The following ROBO2 variants were observed in gnomAD, a reference collection of about 807,000 sequenced individuals.
The protein encoded by ROBO2 is roundabout homolog 2.
ROBO2 carries 53 observed loss-of-function variants against 160.8 expected under a neutral mutation model. The observed-to-expected ratio is 0.33, with a 90% CI of 0.26 to 0.41. ROBO2 has a LOEUF of 0.41. ROBO2 is among the 10% of genes least tolerant of loss of function. ROBO2 has a pLI of 1.00. For missense variants in ROBO2, 1,577 were observed against 1,722.4 expected (o/e 0.92, Z 1.49); for synonymous variants, 664 against 611.7 (o/e 1.09, Z -1.26).
intron 2 of ROBO2, among the ~76,000 whole-genome samples, chr3:76,948,908 ATTTTTT>A (rs1157110855): frequency 1.6e-3 from 39 of 24,958 alleles, no homozygotes; most frequent in South Asian, 5.9e-3. Context: ...ATATATATAT[ATTTTTT>A]TTTTTTTTTT....
chr3:76,044,169 C>T (rs2067372638), intron 2 of ROBO2, among the ~76,000 whole-genome samples: 1 of 151,968 alleles, frequency 6.6e-6, no homozygotes, highest in Non-Finnish European at 1.5e-5. Context: ...TCTGTTTTAA[C>T]AAGGGTAGAT....
At chr3:76,126,368 T>C (rs2070989613) in intron 2 of ROBO2, among the ~76,000 whole-genome samples, 1 of 152,134 alleles carries the variant, frequency 6.6e-6, no homozygotes, top group South Asian at 2.1e-4. Context: ...TTGGACCTGA[T>C]AGAATAAAGC....
intron 2 of ROBO2, among the ~76,000 whole-genome samples, chr3:77,472,621 C>T (rs549986926): frequency 6.6e-6 from 1 of 152,150 alleles, no homozygotes; most frequent in East Asian, 1.9e-4. Context: ...ATATCCCCCC[C>T]ACCTCACCCC....
chr3:77,169,997 A>G (rs1449460493), intron 2 of ROBO2, among the ~76,000 whole-genome samples: 1 of 152,092 alleles, frequency 6.6e-6, no homozygotes, highest in Admixed American at 6.6e-5. Context: ...GCATCACATC[A>G]TGCTCCCAGA....
At chr3:76,018,250 A>G (rs551874114) in intron 2 of ROBO2, among the ~76,000 whole-genome samples, 3 of 152,162 alleles carry the variant, frequency 2.0e-5, no homozygotes, top group South Asian at 2.1e-4. Flanking sequence ...AACATGGTGA[A>G]TGTCACATTT....
At chr3:77,021,393 A>G (rs1277568414) in intron 2 of ROBO2, among the ~76,000 whole-genome samples, 1 of 152,164 alleles carries the variant, frequency 6.6e-6, no homozygotes, top group Non-Finnish European at 1.5e-5. Flanking sequence ...TTCCAAAGTC[A>G]TAGAAACTAG....
intron 2 of ROBO2, among the ~76,000 whole-genome samples, chr3:76,082,723 T>A (rs767649641): frequency 1.6e-4 from 24 of 152,214 alleles, no homozygotes; most frequent in Non-Finnish European, 3.1e-4. Flanking sequence ...TATTTTTCTT[T>A]AAAAAAATCA....
At chr3:77,105,093 T>C (rs1479091856) in intron 2 of ROBO2, among the ~76,000 whole-genome samples, 1 of 152,198 alleles carries the variant, frequency 6.6e-6, no homozygotes, top group Admixed American at 6.5e-5. Flanking sequence ...TACTTTCTCT[T>C]CCAAATATAC....
chr3:77,591,195 A>AT lies in ROBO2; in HGVS notation c.2683+2268dup, dbSNP rs765094321. ...CCAAGGCACTTAAAAGATTTGATGGATTTTTTATACTCTGATTATCTGGGC... is the reference window on the plus strand; with the variant it reads ...CCAAGGCACTTAAAAGATTTGATGGATTTTTTTATACTCTGATTATCTGGGC... On this transcript the variant is annotated intron_variant, in intron 17 of 25. Transcript: ENST00000461745. 1.2e-4 allele frequency among the ~76,000 whole-genome samples: 18 copies of AT among 152,234 alleles called. No homozygotes were observed. In the East Asian group the frequency reaches 2.3e-3, roughly 20 times the overall value.
At chr3:77,272,318 AG>A (rs558367719) in intron 2 of ROBO2, among the ~76,000 whole-genome samples, 79 of 152,154 alleles carry the variant, frequency 5.2e-4, no homozygotes, top group Non-Finnish European at 1.0e-3. Context: ...CTGTAGAGGC[AG>A]CATGGCTGAG....
At chr3:77,119,763 A>G (rs2074561540) in intron 2 of ROBO2, among the ~76,000 whole-genome samples, 1 of 152,238 alleles carries the variant, frequency 6.6e-6, no homozygotes. Flanking sequence ...GAAAGAAAAT[A>G]CATAGCTATC....
chr3:76,845,570 T>C (rs2068702317), intron 2 of ROBO2, among the ~76,000 whole-genome samples: 1 of 152,040 alleles, frequency 6.6e-6, no homozygotes, highest in Admixed American at 6.6e-5. Flanking sequence ...TTCCAAATCC[T>C]TTGTCTACAC....
At chr3:77,379,229 A>C (rs144063034) in intron 2 of ROBO2, among the ~76,000 whole-genome samples, 96 of 152,314 alleles carry the variant, frequency 6.3e-4, no homozygotes, top group African/African-American at 2.2e-3. Flanking sequence ...TACAGGCGTG[A>C]GCCACAACGC....
At chr3:77,320,699 G>GA (rs1350600305) in intron 2 of ROBO2, among the ~76,000 whole-genome samples, 3 of 151,850 alleles carry the variant, frequency 2.0e-5, no homozygotes, top group South Asian at 2.1e-4. Flanking sequence ...AAAAGAAAAA[G>GA]AAAAAAGAAA....
intron 21 of ROBO2, among the ~76,000 whole-genome samples, chr3:77,616,870 G>GT (rs940030922): frequency 6.6e-6 from 1 of 151,984 alleles, no homozygotes; most frequent in East Asian, 1.9e-4. Context: ...TCGTGTTAAA[G>GT]TTTTTTACTA....
intron 2 of ROBO2, among the ~76,000 whole-genome samples, chr3:76,441,454 C>G (rs928886706): frequency 1.3e-5 from 2 of 152,112 alleles, no homozygotes; most frequent in African/African-American, 2.4e-5. Context: ...GGGAAAAGCC[C>G]CTCATTCTTG....
At chr3:76,346,677 T>C (rs2074551457) in intron 2 of ROBO2, among the ~76,000 whole-genome samples, 1 of 152,164 alleles carries the variant, frequency 6.6e-6, no homozygotes, top group African/African-American at 2.4e-5. Context: ...ATTCATGTTT[T>C]CTCCATTGAG....
exon 9 of ROBO2, chr3:77,558,049 T>G: frequency 6.2e-7 from 1 of 1,613,274 alleles, no homozygotes; most frequent in Non-Finnish European, 8.5e-7. Context: ...GGTGATCCTC[T>G]TCCTGTAATT....
intron 2 of ROBO2, among the ~76,000 whole-genome samples, chr3:76,238,032 C>T (rs1395472019): frequency 6.6e-6 from 1 of 152,094 alleles, no homozygotes; most frequent in African/African-American, 2.4e-5. Context: ...CTCTAAAATG[C>T]CATGCACATT....
Sources: allele counts gnomAD v4.1 joint callset (sites outside exome capture counted in the v4.1 genomes callset), GRCh38; gene constraint gnomAD v4.1.1; transcripts MANE v1.5; gene names NCBI Gene and HGNC (gene_info 2026-07-23, HGNC 2026-07-21).